CDK14: variants seen among roughly 807,000 people sequenced by gnomAD.
CDK14 encodes cyclin dependent kinase 14, also known as cyclin-dependent kinase 14.
Under a neutral mutation model 60.7 loss-of-function variants are expected in CDK14, and 34 were observed. The ratio of observed to expected loss-of-function variants is 0.56; its 90% CI spans 0.43 to 0.75. The LOEUF is 0.75. Ranked by LOEUF, CDK14 falls within the 30% of genes least tolerant of loss-of-function variation. The pLI, the probability that CDK14 is intolerant of heterozygous loss-of-function variation, is 0.00. For synonymous variants in CDK14, 197 were observed against 203.7 expected, an observed-to-expected ratio of 0.97 and a Z score of 0.28; for missense variants, 482 against 564.1, an observed-to-expected ratio of 0.85 and a Z score of 1.47.
intron 4 of CDK14, among the ~76,000 whole-genome samples, chr7:90,771,285 A>G (rs1804773714): frequency 6.6e-6 from 1 of 152,192 alleles, no homozygotes; most frequent in South Asian, 2.1e-4. Context: ...CTTGCTTGGT[A>G]TCTCTTTTAG....
At chr7:90,796,327 T>C (rs1395464238) in intron 5 of CDK14, among the ~76,000 whole-genome samples, 3 of 152,104 alleles carry the variant, frequency 2.0e-5, no homozygotes, top group African/African-American at 7.2e-5. Flanking sequence ...AGATTTGAAA[T>C]TATGGGTTTA....
chr7:90,848,024 C>T (rs545319376), intron 5 of CDK14, among the ~76,000 whole-genome samples: 8 of 152,186 alleles, frequency 5.3e-5, no homozygotes, highest in African/African-American at 1.7e-4. Flanking sequence ...CATTAATTAA[C>T]GTTTATCTCT....
chr7:90,924,142 G>A (rs1016305434), intron 8 of CDK14, among the ~76,000 whole-genome samples: 1 of 152,186 alleles, frequency 6.6e-6, no homozygotes, highest in Non-Finnish European at 1.5e-5. Flanking sequence ...CAAGGTTGAG[G>A]GGCTCCTTTT....
intron 14 of CDK14, among the ~76,000 whole-genome samples, chr7:91,151,910 A>G (rs1306494846): frequency 1.3e-5 from 2 of 152,202 alleles, no homozygotes; most frequent in Non-Finnish European, 2.9e-5. Flanking sequence ...AAGCAATGGA[A>G]ATTAAGGCCA....
chr7:90,709,522 G>T, intron 2 of CDK14: 3 of 1,611,794 alleles, frequency 1.9e-6, no homozygotes, highest in Non-Finnish European at 2.5e-6. Context: ...ACAGTGTGTT[G>T]TGAATTGCCT....
chr7:90,905,737 T>C (rs993799819), intron 7 of CDK14, among the ~76,000 whole-genome samples: 1 of 152,284 alleles, frequency 6.6e-6, no homozygotes, highest in Admixed American at 6.5e-5. Context: ...ATTAAATTAC[T>C]GTAATTAGCT....
rs556511863 is a variant in CDK14 at position 90,672,612 on chromosome 7, C to T, written c.124-53955C>T. Among the ~76,000 whole-genome samples the T allele has an allele frequency of 1.2e-4, 17 of 147,326 alleles. No homozygotes were observed. In the East Asian group the frequency reaches 2.6e-3, roughly 23 times the overall value. ...ATAGCTCACTGCAGCCTCAAACTCC[C>T]GGGCTCAAGTGATCTTCCTTCCTCA... is the stretch of plus-strand genomic sequence containing the variant. On this transcript the variant is annotated intron_variant, in intron 2 of 14. Coordinates refer to ENST00000380050, the MANE Select transcript of CDK14 (RefSeq NM_001287135.2).
At chr7:91,197,631 T>C (rs990237075) in intron 14 of CDK14, among the ~76,000 whole-genome samples, 6 of 152,330 alleles carry the variant, frequency 3.9e-5, no homozygotes, top group Admixed American at 1.3e-4. Context: ...AAACAGAACC[T>C]TTCTTCAAAG....
chr7:91,049,615 G>C lies in CDK14; in HGVS notation c.1105+3655G>C, dbSNP rs575262813. On this transcript the variant is annotated intron_variant, in intron 11 of 14. Transcript: ENST00000380050. ...GAAAAACCAGTTTGGGTTTTCAAAT[G>C]TATTGCTTTATGGCTATGATCTAGG... is the stretch of plus-strand genomic sequence containing the variant. Among the ~76,000 whole-genome samples the C allele has an allele frequency of 5.3e-5, 8 of 152,234 alleles. No homozygotes were observed. In the South Asian group the frequency reaches 1.7e-3, roughly 32 times the overall value.
At chr7:90,876,118 A>G (rs973846981) in intron 6 of CDK14, among the ~76,000 whole-genome samples, 2 of 152,190 alleles carry the variant, frequency 1.3e-5, no homozygotes, top group Non-Finnish European at 2.9e-5. Flanking sequence ...TGGGAATTCC[A>G]GGTATGTGGG....
intron 10 of CDK14, among the ~76,000 whole-genome samples, chr7:91,043,707 A>G (rs552636458): frequency 6.6e-6 from 1 of 152,146 alleles, no homozygotes; most frequent in Non-Finnish European, 1.5e-5. Flanking sequence ...GTTTGTGTAG[A>G]TCTATCTATT....
intron 10 of CDK14, among the ~76,000 whole-genome samples, chr7:91,029,523 A>G (rs964391771): frequency 6.6e-6 from 1 of 150,828 alleles, no homozygotes; most frequent in Non-Finnish European, 1.5e-5. Flanking sequence ...TTCTCCCTGT[A>G]GAAAATTTTC....
intron 6 of CDK14, among the ~76,000 whole-genome samples, chr7:90,879,913 G>T (rs893932295): frequency 6.6e-6 from 1 of 152,050 alleles, no homozygotes; most frequent in Non-Finnish European, 1.5e-5. Context: ...TGTGAGTGGT[G>T]TGATACCCAG....
At chr7:90,598,704 A>ATTTGTTTTTTTTTTTT (rs1554416545) in intron 1 of CDK14, among the ~76,000 whole-genome samples, 1 of 87,890 alleles carries the variant, frequency 1.1e-5, no homozygotes, top group Admixed American at 1.3e-4. Flanking sequence ...TTATCTAAGG[A>ATTTGTTTTTTTTTTTT]TTTTTTTTTT....
intron 4 of CDK14, among the ~76,000 whole-genome samples, chr7:90,782,230 G>A (rs1308794970): frequency 6.6e-6 from 1 of 151,786 alleles, no homozygotes; most frequent in East Asian, 1.9e-4. Flanking sequence ...TCTATTATTG[G>A]TGTATAAGAA....
chr7:91,157,795 G>T (rs1801027890), intron 14 of CDK14, among the ~76,000 whole-genome samples: 1 of 152,136 alleles, frequency 6.6e-6, no homozygotes, highest in Non-Finnish European at 1.5e-5. Context: ...AGGATGGTTG[G>T]GCAAATGGGC....
At chr7:90,909,178 T>C (rs961074089) in intron 7 of CDK14, among the ~76,000 whole-genome samples, 2 of 152,200 alleles carry the variant, frequency 1.3e-5, no homozygotes, top group South Asian at 4.1e-4. Flanking sequence ...TTGTGCTATT[T>C]CTGTATAGTT....
chr7:91,015,761 T>A (rs1329738847), intron 10 of CDK14, among the ~76,000 whole-genome samples: 1 of 151,402 alleles, frequency 6.6e-6, no homozygotes, highest in Non-Finnish European at 1.5e-5. Flanking sequence ...TCATGGAATA[T>A]GGGTATGAAT....
intron 5 of CDK14, among the ~76,000 whole-genome samples, chr7:90,809,996 A>C (rs986473652): frequency 3.3e-5 from 5 of 152,198 alleles, no homozygotes; most frequent in African/African-American, 9.7e-5. Flanking sequence ...CCAACCAAAA[A>C]AAGTCCAGGA....
Sources: allele counts gnomAD v4.1 joint callset (sites outside exome capture counted in the v4.1 genomes callset), GRCh38; gene constraint gnomAD v4.1.1; transcripts MANE v1.5; gene names NCBI Gene and HGNC (gene_info 2026-07-23, HGNC 2026-07-21).